DPP6: variants seen among roughly 807,000 people sequenced by gnomAD.
The protein encoded by DPP6 is A-type potassium channel modulatory protein DPP6.
DPP6 carries 69 observed loss-of-function variants against 122.6 expected under a neutral mutation model. The observed-to-expected ratio is 0.56, with a 90% CI of 0.46 to 0.69. DPP6 has a LOEUF of 0.69. DPP6 is among the 30% of genes least tolerant of loss of function. The probability of loss-of-function intolerance (pLI) is 0.00; values close to 1 mark genes in which losing one functional copy is unlikely to be tolerated. For missense variants in DPP6, 928 were observed against 1,116.9 expected (o/e 0.83, Z 2.41); for synonymous variants, 418 against 433.1 (o/e 0.97, Z 0.43).
the DPP6 span, among the ~76,000 whole-genome samples, chr7:153,787,352 C>T: frequency 6.7e-6 from 1 of 148,260 alleles, no homozygotes; most frequent in Non-Finnish European, 1.5e-5. Context: ...AAAAAGGCAG[C>T]AGTATAATAT....
At chr7:153,798,051 C>G in the DPP6 span, among the ~76,000 whole-genome samples, 1 of 152,064 alleles carries the variant, frequency 6.6e-6, no homozygotes, top group African/African-American at 2.4e-5. Context: ...ACCATGTTAG[C>G]CAGGATGGTC....
chr7:154,789,771 C>G (rs540684585), intron 10 of DPP6, among the ~76,000 whole-genome samples: 1 of 152,248 alleles, frequency 6.6e-6, no homozygotes, highest in Admixed American at 6.5e-5. Context: ...AAGAATGTCC[C>G]TTTGTCCAAA....
chr7:154,556,150 C>T (rs887786651), intron 4 of DPP6, among the ~76,000 whole-genome samples: 3 of 152,126 alleles, frequency 2.0e-5, no homozygotes, highest in African/African-American at 4.8e-5. Context: ...TAATAGCTAA[C>T]GCTTTGAATA....
intron 1 of DPP6, among the ~76,000 whole-genome samples, chr7:154,272,027 A>C (rs1020476341): frequency 3.5e-4 from 53 of 152,162 alleles, no homozygotes; most frequent in African/African-American, 1.2e-3. Flanking sequence ...AAGTTCTCAA[A>C]ACTCTCTCTA....
intron 1 of DPP6, among the ~76,000 whole-genome samples, chr7:154,183,826 C>T (rs1364371384): frequency 6.6e-6 from 1 of 152,234 alleles, no homozygotes; most frequent in African/African-American, 2.4e-5. Flanking sequence ...CAATGAATCA[C>T]TCAGCACCGG....
Position 154,062,019 on chromosome 7 carries a change from G to GTT in DPP6, c.243+8956_243+8957insTT, listed in dbSNP as rs1802034116. 3.8e-5 allele frequency among the ~76,000 whole-genome samples: 5 copies of GTT among 131,228 alleles called. 1 individual carries two copies. Among genetic ancestry groups the GTT allele is most frequent in the Non-Finnish European group, 8.4e-5 (5 of 59,866 alleles). The allele number at this position is 131,228 out of a possible 152,430, so 86.1% of individuals were successfully genotyped here. A position where few individuals can be genotyped will look rare whatever the true frequency, so the allele number is the denominator to read the frequency against. On this transcript the variant is annotated intron_variant, in intron 1 of 25. Transcript: ENST00000377770. ...GCTGTTGGTACCCCCATCGCAGGGG[G>GTT]GGGGAGGCACCCCCCGCGAGGCAGG...
At chr7:153,798,138 A>G in the DPP6 span, among the ~76,000 whole-genome samples, 14 of 152,004 alleles carry the variant, frequency 9.2e-5, no homozygotes, top group East Asian at 3.9e-4. Flanking sequence ...CACCGTGCCC[A>G]GCCCCCTCCA....
intron 5 of DPP6, among the ~76,000 whole-genome samples, chr7:154,613,619 C>CAAAAAAAAAAAAAAAAA (rs749561005): frequency 1.9e-5 from 1 of 51,848 alleles, no homozygotes; most frequent in African/African-American, 9.1e-5. Flanking sequence ...GACTCTGTCT[C>CAAAAAAAAAAAAAAAAA]AAAAAAAAAA....
At chr7:154,879,539 C>T (rs1171045196) in intron 20 of DPP6, among the ~76,000 whole-genome samples, 3 of 136,542 alleles carry the variant, frequency 2.2e-5, no homozygotes, top group Admixed American at 1.6e-4. Flanking sequence ...TGCAGTGAGC[C>T]GAGATTGTGC....
intron 1 of DPP6, among the ~76,000 whole-genome samples, chr7:154,175,490 G>T (rs569505776): frequency 3.9e-5 from 6 of 151,960 alleles, no homozygotes; most frequent in Non-Finnish European, 8.8e-5. Flanking sequence ...CCTCCAGGAA[G>T]AAGTGCAGCA....
intron 6 of DPP6, among the ~76,000 whole-genome samples, chr7:154,640,250 C>CAAACAA (rs3079842): frequency 0.69 from 103,990 of 150,456 alleles, 36,100 homozygotes; most frequent in East Asian, 0.85. Flanking sequence ...GAGACTCTGT[C>CAAACAA]AAACAAAAAC....
At chr7:154,123,172 G>A (rs1221660249) in intron 1 of DPP6, among the ~76,000 whole-genome samples, 2 of 152,304 alleles carry the variant, frequency 1.3e-5, no homozygotes, top group Non-Finnish European at 1.5e-5. Context: ...TGCCTTCAAC[G>A]ATCCTCAAAG....
At chr7:154,476,199 A>G (rs1297092542) in intron 3 of DPP6, among the ~76,000 whole-genome samples, 6 of 152,196 alleles carry the variant, frequency 3.9e-5, no homozygotes, top group Non-Finnish European at 8.8e-5. Flanking sequence ...GCTTATTTAA[A>G]AGTGAAAAAA....
chr7:154,497,900 T>C (rs1461838483), intron 3 of DPP6, among the ~76,000 whole-genome samples: 1 of 152,164 alleles, frequency 6.6e-6, no homozygotes, highest in Non-Finnish European at 1.5e-5. Context: ...CTGTTTTATC[T>C]TTATACCAGA....
intron 1 of DPP6, among the ~76,000 whole-genome samples, chr7:154,042,630 A>T (rs1357298994): frequency 6.6e-6 from 1 of 152,238 alleles, no homozygotes; most frequent in African/African-American, 2.4e-5. Context: ...ATAAGGTGAC[A>T]TTATCCCTGA....
intron 1 of DPP6, among the ~76,000 whole-genome samples, chr7:154,421,984 AAAG>A (rs1817508628): frequency 6.6e-6 from 1 of 152,232 alleles, no homozygotes; most frequent in Non-Finnish European, 1.5e-5. Context: ...ACAACTTAGT[AAAG>A]AATGGACAGG....
intron 5 of DPP6, among the ~76,000 whole-genome samples, chr7:154,613,349 C>T (rs541867693): frequency 2.0e-5 from 3 of 152,112 alleles, no homozygotes; most frequent in Non-Finnish European, 4.4e-5. Context: ...AGGCTGGGTG[C>T]TGTGGCTCAC....
chr7:154,398,314 T>C (rs1324295292), intron 1 of DPP6, among the ~76,000 whole-genome samples: 2 of 152,190 alleles, frequency 1.3e-5, no homozygotes, highest in African/African-American at 2.4e-5. Flanking sequence ...ATCTCTCAAC[T>C]AATTAGTAAC....
intron 3 of DPP6, among the ~76,000 whole-genome samples, chr7:154,521,022 T>C (rs1826931845): frequency 6.6e-6 from 1 of 152,230 alleles, no homozygotes; most frequent in African/African-American, 2.4e-5. Context: ...TACTTGTTAT[T>C]GATTTGCTCT....
Sources: allele counts gnomAD v4.1 joint callset (sites outside exome capture counted in the v4.1 genomes callset), GRCh38; gene constraint gnomAD v4.1.1; transcripts MANE v1.5; gene names NCBI Gene and HGNC (gene_info 2026-07-23, HGNC 2026-07-21).